PAAF1: variants seen among roughly 807,000 people sequenced by gnomAD.
PAAF1 encodes proteasomal ATPase-associated factor 1.
In PAAF1, 46 loss-of-function variants were observed where a neutral mutation model predicts 52.8. The ratio of observed to expected loss-of-function variants is 0.87; its 90% confidence interval spans 0.69 to 1.11. The LOEUF is 1.11. Ranked by LOEUF, PAAF1 falls within the 50% of genes most tolerant of loss-of-function variation. The probability of loss-of-function intolerance (pLI) is 0.00; values close to 1 mark genes in which losing one functional copy is unlikely to be tolerated. For missense variants in PAAF1, 424 were observed against 477.4 expected (o/e 0.89, Z 1.04); for synonymous variants, 178 against 172.8 (o/e 1.03, Z -0.24).
intron 10 of PAAF1, among the ~76,000 whole-genome samples, chr11:73,922,610 G>A (rs1037450525): frequency 6.6e-6 from 1 of 152,080 alleles, no homozygotes; most frequent in East Asian, 1.9e-4. Flanking sequence ...GAGGTCAGGA[G>A]ATCGAGACCA....
intron 6 of PAAF1, among the ~76,000 whole-genome samples, chr11:73,905,471 A>G (rs1467659128): frequency 2.6e-5 from 4 of 151,976 alleles, no homozygotes; most frequent in African/African-American, 9.7e-5. Flanking sequence ...ATCCTCCCTC[A>G]TTGGCCTCCC....
intron 6 of PAAF1, among the ~76,000 whole-genome samples, chr11:73,903,499 C>T (rs143448104): frequency 0.01 from 1,587 of 152,048 alleles, 31 homozygotes; most frequent in African/African-American, 0.035. Flanking sequence ...GGTGGATCAT[C>T]TGAGGTCAGG....
intron 11 of PAAF1, among the ~76,000 whole-genome samples, chr11:73,925,287 G>A (rs546391425): frequency 7.9e-5 from 12 of 151,432 alleles, no homozygotes; most frequent in South Asian, 2.1e-4. Context: ...TGAGACCCCC[G>A]TCTCTACAAA....
At chr11:73,877,183 G>C in intron 1 of PAAF1, 115 bp downstream of exon 1, 1 of 1,077,572 alleles carries the variant, frequency 9.3e-7, no homozygotes, top group Non-Finnish European at 1.3e-6. Context: ...CAATTGTCGA[G>C]GGATATGGAG....
intron 2 of PAAF1, among the ~76,000 whole-genome samples, chr11:73,882,594 G>GTC (rs1948946731): frequency 6.6e-6 from 1 of 151,454 alleles, no homozygotes; most frequent in South Asian, 2.1e-4. Flanking sequence ...TTTCAGACAT[G>GTC]CGCCACCACG....
At chr11:73,885,910 T>TA (rs1424985779) in intron 2 of PAAF1, among the ~76,000 whole-genome samples, 1 of 152,086 alleles carries the variant, frequency 6.6e-6, no homozygotes, top group Non-Finnish European at 1.5e-5. Context: ...TTCTCTCCTG[T>TA]AACTTCAGTT....
intron 8 of PAAF1, among the ~76,000 whole-genome samples, chr11:73,915,456 G>T (rs1950038827): frequency 6.6e-6 from 1 of 152,060 alleles, no homozygotes; most frequent in Non-Finnish European, 1.5e-5. Context: ...CAAAAAATTG[G>T]CTGGGCATGG....
chr11:73,919,107 C>A, intron 10 of PAAF1, 75 bp downstream of exon 10: 1 of 1,360,702 alleles, frequency 7.3e-7, no homozygotes, highest in Non-Finnish European at 1.0e-6. Context: ...AGTGTCTGAT[C>A]TATGGCTGGG....
At chr11:73,888,959 C>T (rs567446927) in intron 3 of PAAF1, 1 of 499,828 alleles carries the variant, frequency 2.0e-6, no homozygotes, top group East Asian at 3.0e-5. Context: ...CCATAACAAT[C>T]CTGTGGGATT....
intron 9 of PAAF1, 68 bp downstream of exon 9, chr11:73,916,728 T>C: frequency 9.4e-7 from 1 of 1,066,696 alleles, no homozygotes; most frequent in East Asian, 2.4e-5. Context: ...GCTTTAACAT[T>C]GATTTAGCCT....
chr11:73,883,985 G>T (rs1321382710), intron 2 of PAAF1, among the ~76,000 whole-genome samples: 3 of 152,122 alleles, frequency 2.0e-5, no homozygotes, highest in Admixed American at 6.6e-5. Context: ...GATGGCATGA[G>T]AACCAGCTGC....
intron 10 of PAAF1, chr11:73,922,045 T>C: frequency 3.6e-6 from 3 of 825,656 alleles, no homozygotes; most frequent in Non-Finnish European, 4.1e-6. Context: ...ACATTGGCCT[T>C]GAACTAATAG....
intron 4 of PAAF1, among the ~76,000 whole-genome samples, chr11:73,893,755 A>AAAAAC (rs1949267759): frequency 1.3e-5 from 2 of 149,406 alleles, no homozygotes; most frequent in Non-Finnish European, 3.0e-5. Context: ...AAAAAAAAAA[A>AAAAAC]AAAAAAGAAA....
chr11:73,924,652 C>T lies in PAAF1; in HGVS notation c.1056C>T (p.Asp352=). Residue 352 remains aspartate, a synonymous_variant, in exon 11 of 12, where the codon GAC becomes GAT. Coordinates refer to ENST00000310571, the MANE Select transcript of PAAF1 (RefSeq NM_025155.3). ...GTTTTATTGTCCAGCAAGACTTAGA[C>T]TATGTCACTGAGCTCACTGGGGCTG... The part of the protein sequence containing the change: ...GSCFIVQQDL[D]YVTELTGADC... 3 of 1,614,034 alleles carry T rather than the reference C, an allele frequency of 1.9e-6. No homozygotes were observed. Among genetic ancestry groups the T allele is most frequent in the Non-Finnish European group, 2.5e-6 (3 of 1,179,954 alleles).
chr11:73,894,098 T>G (rs528831434), intron 4 of PAAF1, among the ~76,000 whole-genome samples: 67 of 152,348 alleles, frequency 4.4e-4, no homozygotes, highest in African/African-American at 1.6e-3. Context: ...CCACTGTGCC[T>G]GGCCTTTATA....
intron 2 of PAAF1, chr11:73,880,699 A>AGGG (rs1565123147): frequency 9.1e-6 from 1 of 109,940 alleles, no homozygotes; most frequent in African/African-American, 4.0e-5. Context: ...AAAAAAAAAA[A>AGGG]AAAAAAAAAA....
intron 7 of PAAF1, among the ~76,000 whole-genome samples, chr11:73,913,074 G>C (rs2135209476): frequency 6.6e-6 from 1 of 152,150 alleles, no homozygotes; most frequent in South Asian, 2.1e-4. Context: ...ATGGGGTTTT[G>C]CCATGTTGGC....
At chr11:73,910,431 G>A (rs973638699) in intron 7 of PAAF1, among the ~76,000 whole-genome samples, 1 of 152,124 alleles carries the variant, frequency 6.6e-6, no homozygotes, top group Non-Finnish European at 1.5e-5. Flanking sequence ...GCTTGGACGT[G>A]AAACTAAGTG....
At chr11:73,921,700 A>G (rs1389904698) in intron 10 of PAAF1, 3 of 917,372 alleles carry the variant, frequency 3.3e-6, no homozygotes, top group Non-Finnish European at 5.3e-6. Context: ...CTGTCTCTTC[A>G]CAAAACAAGT....
Sources: gnomAD v4.1 joint callset for allele counts (sites outside exome capture counted in the v4.1 genomes callset) on GRCh38, gnomAD v4.1.1 for gene constraint, MANE v1.5 for transcripts, NCBI Gene and HGNC (gene_info 2026-07-23, HGNC 2026-07-21) for gene names.